The following CPD variants were observed in gnomAD, a reference collection of about 807,000 sequenced individuals.
CPD encodes the protein metallocarboxypeptidase D.
Under a neutral mutation model 138.3 loss-of-function variants are expected in CPD, and 69 were observed. That is an observed-to-expected ratio of 0.50 (90% CI 0.41 to 0.61). The LOEUF (loss-of-function observed/expected upper bound fraction) is 0.61. Ranked by LOEUF, CPD falls within the 20% of genes least tolerant of loss-of-function variation. CPD has a pLI of 0.00. For synonymous variants in CPD, 651 were observed against 642.1 expected, an observed-to-expected ratio of 1.01 and a Z score of -0.21; for missense variants, 1,432 against 1,733.3, an observed-to-expected ratio of 0.83 and a Z score of 3.09.
intron 12 of CPD, among the ~76,000 whole-genome samples, chr17:30,448,921 T>C (rs985696226): frequency 9.9e-5 from 15 of 152,050 alleles, no homozygotes; most frequent in African/African-American, 3.4e-4. Context: ...CTCAGCAATA[T>C]AGCAAGACCC....
chr17:30,396,884 T>G (rs1337103615), intron 2 of CPD, among the ~76,000 whole-genome samples: 1 of 152,088 alleles, frequency 6.6e-6, no homozygotes, highest in African/African-American at 2.4e-5. Context: ...TAGATCTCAG[T>G]TTTCATACGT....
At chr17:30,384,579 G>A (rs546868546) in intron 1 of CPD, among the ~76,000 whole-genome samples, 3 of 152,208 alleles carry the variant, frequency 2.0e-5, no homozygotes, top group Non-Finnish European at 4.4e-5. Context: ...GCAACATGGC[G>A]AGACCCCATC....
chr17:30,451,582 C>A (rs1597735060), intron 13 of CPD, 129 bp from the exon 14 acceptor site: 1 of 800,118 alleles, frequency 1.2e-6, no homozygotes. Context: ...TTTATTTTTT[C>A]ATTCATCTTA....
chr17:30,414,652 C>T (rs1038720284), intron 2 of CPD, among the ~76,000 whole-genome samples: 15 of 151,608 alleles, frequency 9.9e-5, no homozygotes, highest in Non-Finnish European at 2.9e-5. Context: ...AGGGCCACAG[C>T]AATGGACATG....
In CPD at chr17:30,446,023, A is replaced by G. The variant is rs1368568413; in HGVS notation, c.2873+3A>G. ...CCACATATTACAAATCTTACCAAGTAAGTGTCACTTTCTATTGTCTTTTTT... is the reference window on the plus strand; with the variant it reads ...CCACATATTACAAATCTTACCAAGTGAGTGTCACTTTCTATTGTCTTTTTT... On this transcript the variant is annotated splice_donor_region_variant and intron_variant, in intron 12 of 20. Coordinates refer to ENST00000225719, the MANE Select transcript of CPD (RefSeq NM_001304.5). 1 of 1,566,906 alleles carries G rather than the reference A, an allele frequency of 6.4e-7. No homozygotes were observed. Among genetic ancestry groups the G allele is most frequent in the African/African-American group, 1.4e-5 (1 of 71,992 alleles).
At chr17:30,422,611 A>T in intron 4 of CPD, 63 bp from the exon 5 acceptor site, 2 of 1,091,340 alleles carry the variant, frequency 1.8e-6, no homozygotes, top group Non-Finnish European at 2.6e-6. Context: ...CTGTGCTTTT[A>T]TAATATTAAA....
intron 17 of CPD, among the ~76,000 whole-genome samples, 170 bp from the exon 18 acceptor site, chr17:30,461,010 G>T (rs891348285): frequency 6.6e-6 from 1 of 152,182 alleles, no homozygotes; most frequent in Non-Finnish European, 1.5e-5. Context: ...GTTTGTGATT[G>T]ATTATAATAC....
chr17:30,386,112 C>A (rs942235294), intron 2 of CPD, among the ~76,000 whole-genome samples: 4 of 152,124 alleles, frequency 2.6e-5, no homozygotes, highest in Admixed American at 2.0e-4. Flanking sequence ...TCACTGTAAT[C>A]ACAAGCTCCT....
chr17:30,442,677 A>G (rs1210832296), intron 10 of CPD, among the ~76,000 whole-genome samples: 1 of 152,180 alleles, frequency 6.6e-6, no homozygotes, highest in Non-Finnish European at 1.5e-5. Context: ...GAAGAAAATG[A>G]TTGAACAAGG....
intron 2 of CPD, among the ~76,000 whole-genome samples, chr17:30,385,506 A>ACACACACACACACACACG (rs963419392): frequency 2.2e-4 from 5 of 23,068 alleles, no homozygotes; most frequent in African/African-American, 7.0e-4. Context: ...ATGTGCATGC[A>ACACACACACACACACACG]CACACACACA....
rs569399497 is a variant in CPD, at chr17:30,378,998, C to T, written c.18C>T (p.Asp6=). Reference sequence around the variant, plus strand: ...GCTGGAAGATGGCGAGCGGCCGGGACGAGCGGCCGCCTTGGCGGCTAGGGC... The same window carrying T: ...GCTGGAAGATGGCGAGCGGCCGGGATGAGCGGCCGCCTTGGCGGCTAGGGC... MASGR[D]ERPPWRLGRL... is the part of the protein sequence containing the mutation. Residue 6 remains aspartate (D), a synonymous_variant, in exon 1 of 21, where the codon GAC becomes GAT. Transcript: ENST00000225719. 1.3e-6 allele frequency: 2 copies of T among 1,543,806 alleles called. No homozygotes were observed. Among genetic ancestry groups the T allele is most frequent in the Non-Finnish European group, 1.7e-6 (2 of 1,155,422 alleles).
intron 2 of CPD, among the ~76,000 whole-genome samples, chr17:30,408,919 A>G (rs1207362748): frequency 1.3e-5 from 2 of 152,070 alleles, no homozygotes; most frequent in African/African-American, 2.4e-5. Context: ...GTATTCAAAA[A>G]AACTGGCACA....
Position 30,427,456 on chromosome 17 carries a change from G to T in CPD, c.1915G>T (p.Asp639Tyr). 6.2e-7 allele frequency: 1 copy of T among 1,614,116 alleles called. No individual in the cohort carries two copies. The highest frequency in any genetic ancestry group is 8.5e-7 in the Non-Finnish European group (1 of 1,180,010). ...NNFDLNRNFPDQFVQITDPTQ... is the reference protein window; with the variant it reads ...NNFDLNRNFPYQFVQITDPTQ... ...CTTTGACCTGAACCGAAATTTCCCAGACCAGTTTGTTCAGATCACAGATCC... is the reference window on the plus strand; with the variant it reads ...CTTTGACCTGAACCGAAATTTCCCATACCAGTTTGTTCAGATCACAGATCC... Residue 639 changes from aspartate (D) to tyrosine (Y), a missense_variant, in exon 7 of 21, where the codon GAC (aspartate) becomes TAC (tyrosine). This residue lies in a region of CPD where 297 missense variants were observed against 405.3 expected (regional missense o/e 0.73). Transcript: ENST00000225719.
intron 20 of CPD, among the ~76,000 whole-genome samples, chr17:30,464,220 A>G (rs947444064): frequency 6.6e-6 from 1 of 152,040 alleles, no homozygotes; most frequent in Admixed American, 6.6e-5. Flanking sequence ...GCAAAACCCT[A>G]TCTCTAGCAA....
At chr17:30,449,838 C>A in intron 13 of CPD, 90 bp downstream of exon 13, 1 of 1,160,778 alleles carries the variant, frequency 8.6e-7, no homozygotes, top group Non-Finnish European at 1.2e-6. Flanking sequence ...TAATTTCTTG[C>A]TAGATTTTAC....
rs887431491 is a variant in CPD at position 30,456,116 on chromosome 17, G to T, written c.3338-140G>T. Reference sequence around the variant, plus strand: ...TCTTGGGCTAAATAAAACCTTTTAGGGTTAATTATAGTAACAGTATACTTA... The same window carrying T: ...TCTTGGGCTAAATAAAACCTTTTAGTGTTAATTATAGTAACAGTATACTTA... On this transcript the variant is annotated intron_variant, in intron 15 of 20. Coordinates refer to ENST00000225719, the MANE Select transcript of CPD (RefSeq NM_001304.5). The T allele has an allele frequency of 9.6e-6, 6 of 626,452 alleles. No individual in the cohort carries two copies. Among genetic ancestry groups the T allele is most frequent in the Non-Finnish European group, 1.7e-5 (6 of 356,288 alleles). The allele number at this position is 626,452 out of a possible 1,614,324, so 38.8% of individuals were successfully genotyped here.
chr17:30,407,256 A>G (rs1190716440), intron 2 of CPD, among the ~76,000 whole-genome samples: 1 of 152,208 alleles, frequency 6.6e-6, no homozygotes, highest in African/African-American at 2.4e-5. Flanking sequence ...TGCTATTGTG[A>G]ATAGTGCCGC....
intron 7 of CPD, among the ~76,000 whole-genome samples, chr17:30,428,564 A>G (rs1286832138): frequency 6.6e-6 from 1 of 152,208 alleles, no homozygotes; most frequent in Non-Finnish European, 1.5e-5. Context: ...CCTTACACTA[A>G]GTGACAAAAG....
chr17:30,378,969 C>T lies in CPD; in HGVS notation c.-12C>T, dbSNP rs371450166. On this transcript the variant is annotated 5_prime_UTR_variant, in exon 1 of 21. Coordinates refer to ENST00000225719, the MANE Select transcript of CPD (RefSeq NM_001304.5). ...GCGGGAGCGGAGCCGGGGTTAGCGG[C>T]GCTGCTGGAAGATGGCGAGCGGCCG... 2.9e-4 allele frequency: 443 copies of T among 1,502,486 alleles called. No individual in the cohort carries two copies. Among genetic ancestry groups the T allele is most frequent in the Admixed American group, 1.0e-3 (47 of 45,382 alleles). 93.1% of individuals were successfully genotyped at this position (1,502,486 alleles called of 1,614,324 possible).
Sources: allele counts gnomAD v4.1 joint callset (sites outside exome capture counted in the v4.1 genomes callset), GRCh38; gene constraint gnomAD v4.1.1; regional missense constraint gnomAD v4.1.1; transcripts MANE v1.5; gene names NCBI Gene and HGNC (gene_info 2026-07-23, HGNC 2026-07-21).